EDC4: variants seen among roughly 807,000 people sequenced by gnomAD.
The protein encoded by EDC4 is enhancer of mRNA-decapping protein 4.
EDC4 carries 64 observed loss-of-function variants against 155.8 expected under a neutral mutation model. The ratio of observed to expected loss-of-function variants is 0.41; its 90% CI spans 0.34 to 0.51. EDC4 has a LOEUF of 0.51. Ranked by LOEUF, EDC4 falls within the 20% of genes least tolerant of loss-of-function variation. EDC4 has a pLI of 0.19. For missense variants in EDC4, 1,303 were observed against 1,812.5 expected (o/e 0.72, Z 5.10); for synonymous variants, 684 against 716.8 (o/e 0.95, Z 0.73).
intron 1 of EDC4, 145 bp downstream of exon 1, chr16:67,873,488 C>G: frequency 1.6e-6 from 1 of 607,594 alleles, no homozygotes; most frequent in Non-Finnish European, 2.6e-6. Flanking sequence ...GACTGTGCCC[C>G]TCGAAGGGCG....
chr16:67,883,878 C>G lies in EDC4; in HGVS notation c.4014-78C>G. 2 of 1,538,454 alleles carry G rather than the reference C, an allele frequency of 1.3e-6. No homozygotes were observed. Among genetic ancestry groups the G allele is most frequent in the East Asian group, 2.3e-5 (1 of 44,136 alleles). On this transcript the variant is annotated intron_variant, in intron 28 of 28. Coordinates refer to ENST00000358933, the MANE Select transcript of EDC4 (RefSeq NM_014329.5). This position sits in a 1 kb window ranked among gnomAD's most constrained non-coding sequence, Gnocchi z 5.3. ...TCTGCCTTCACCCAGAGGGTTCCCT[C>G]TGGGCCTCGGTGCCACCAGGGGGCG... is the stretch of plus-strand genomic sequence containing the variant.
In EDC4 at chr16:67,877,043, C is replaced by G. The variant is rs562986864; in HGVS notation, c.451+71C>G. Reference sequence around the variant, plus strand: ...CACAGAGCCAGTTCCAACATCAGGCCACTCAGGCCTTAGGGGTACAATGGA... The same window carrying G: ...CACAGAGCCAGTTCCAACATCAGGCGACTCAGGCCTTAGGGGTACAATGGA... On this transcript the variant is annotated intron_variant, in intron 4 of 28. Transcript: ENST00000358933. This position sits in a 1 kb window ranked among gnomAD's most constrained non-coding sequence, Gnocchi z 4.9. 88 of 1,593,666 alleles carry G rather than the reference C, an allele frequency of 5.5e-5. 2 individuals carry two copies. In the South Asian group the frequency reaches 9.1e-4, roughly 17 times the overall value.
Position 67,882,545 on chromosome 16 carries a change from G to A in EDC4, c.3393G>A (p.Gln1131=). The A allele has an allele frequency of 6.2e-7, 1 of 1,614,250 alleles. No individual in the cohort carries two copies. Among genetic ancestry groups the A allele is most frequent in the East Asian group, 2.2e-5 (1 of 44,884 alleles). Residue 1131 remains glutamine (Q), a synonymous_variant, in exon 25 of 29, where the codon CAG becomes CAA. Transcript: ENST00000358933. The surrounding 1 kb of genome is among the most constrained non-coding windows in gnomAD (Gnocchi z 7.2). ...VVLPAFEKSC[Q]AMFQQINDSF... is the part of the protein sequence containing the mutation. ...TGCCGGCCTTTGAGAAGAGCTGCCA[G>A]GCCATGTTCCAGCAAATCAATGATA...
rs765454661 is a variant in EDC4 at position 67,881,210 on chromosome 16, TGGG to T, written c.2636+34_2636+36del. 1.9e-6 allele frequency: 3 copies of T among 1,613,814 alleles called. No homozygotes were observed. Among genetic ancestry groups the T allele is most frequent in the Non-Finnish European group, 2.5e-6 (3 of 1,179,924 alleles). On this transcript the variant is annotated intron_variant, in intron 19 of 28. Coordinates refer to ENST00000358933, the MANE Select transcript of EDC4 (RefSeq NM_014329.5). The surrounding 1 kb of genome is among the most constrained non-coding windows in gnomAD (Gnocchi z 5.4). ...GAGCCACTCTACACCATTGCCCTCA[TGGG>T]GGGATGGGCAGCAAGTGGGCAGGGG...
Position 67,881,813 on chromosome 16 carries a change from A to G in EDC4, c.2972A>G (p.Glu991Gly). The change falls in exon 22 of 29, where the codon GAA becomes GGA. Residue 991 changes from glutamate (E) to glycine (G), a missense_variant. Glu to Gly is a moderately conservative substitution (Grantham distance 98). Around this residue, in one of 5 missense-constraint regions of EDC4, gnomAD observed 527 missense variants for 757.0 expected, o/e 0.70. Transcript: ENST00000358933. This position sits in a 1 kb window ranked among gnomAD's most constrained non-coding sequence, Gnocchi z 5.4. ...GLQSTVTGHV[E>G]RALETRHEQE... ...CAGAGCACAGTCACAGGCCACGTAGAACGTGCCCTTGAGACTCGGCACGAG... is the reference window on the plus strand; with the variant it reads ...CAGAGCACAGTCACAGGCCACGTAGGACGTGCCCTTGAGACTCGGCACGAG... 2 of 1,613,934 alleles carry G rather than the reference A, an allele frequency of 1.2e-6. No individual in the cohort carries two copies. Among genetic ancestry groups the G allele is most frequent in the Non-Finnish European group, 1.7e-6 (2 of 1,179,816 alleles).
chr16:67,879,649 C>T lies in EDC4; in HGVS notation c.1696C>T (p.Gln566Ter), dbSNP rs1460594901. Residue 566 changes from glutamine to a stop codon, truncating the protein, a stop_gained, in exon 15 of 29, where the codon CAG becomes TAG. Coordinates refer to ENST00000358933, the MANE Select transcript of EDC4 (RefSeq NM_014329.5). LOFTEE classifies it high-confidence loss of function. This position sits in a 1 kb window ranked among gnomAD's most constrained non-coding sequence, Gnocchi z 6.0. ...EGLGSAAHGS[Q>*]PDLRRIVELP... The stretch of plus-strand genomic sequence containing the variant: ...CCTGGGGTCAGCCGCTCACGGCTCC[C>T]AGCCTGACCTCCGACGAATCGTGGA... The T allele has an allele frequency of 6.2e-7, 1 of 1,614,080 alleles. No individual in the cohort carries two copies.
Position 67,883,911 on chromosome 16 carries a change from C to G in EDC4, c.4014-45C>G. On this transcript the variant is annotated intron_variant, in intron 28 of 28. Transcript: ENST00000358933. This position sits in a 1 kb window ranked among gnomAD's most constrained non-coding sequence, Gnocchi z 5.3. ...CGGTGCCACCAGGGGGCGCTCCCGT[C>G]TGCTGGCACCCACCTGTAGCCTGTC... 1 of 1,551,702 alleles carries G rather than the reference C, an allele frequency of 6.4e-7. No homozygotes were observed. Among genetic ancestry groups the G allele is most frequent in the Non-Finnish European group, 8.7e-7 (1 of 1,147,572 alleles).
Position 67,876,141 on chromosome 16 carries a change from T to C in EDC4, c.239+40T>C. ...GACGACAATAGTGGTGATGGTGTAT[T>C]TGGGGTGTCTGCTAGCTGAAGGCAT... is the stretch of plus-strand genomic sequence containing the variant. On this transcript the variant is annotated intron_variant, in intron 2 of 28. Transcript: ENST00000358933. The surrounding 1 kb of genome is among the most constrained non-coding windows in gnomAD (Gnocchi z 5.8). The C allele has an allele frequency of 6.3e-7, 1 of 1,595,944 alleles. No homozygotes were observed. Among genetic ancestry groups the C allele is most frequent in the Non-Finnish European group, 8.6e-7 (1 of 1,165,366 alleles).
At position 67,875,983 on chromosome 16, in the gene EDC4, A is replaced by G; in HGVS notation, c.121A>G (p.Asn41Asp). 6.2e-7 allele frequency: 1 copy of G among 1,614,062 alleles called. No individual in the cohort carries two copies. The highest frequency in any genetic ancestry group is 8.5e-7 in the Non-Finnish European group (1 of 1,180,008). Reference protein sequence around the residue: ...AESPRPSSAYNGDLNGLLVPD... With the variant: ...AESPRPSSAYDGDLNGLLVPD... ...GAGCCCACGGCCATCCAGTGCCTAC[A>G]ATGGGGACCTCAATGGACTTCTGGT... The change falls in exon 2 of 29, where the codon AAT (asparagine) becomes GAT (aspartate). Residue 41 changes from asparagine (N) to aspartate (D), a missense_variant. Asn to Asp is a conservative substitution (Grantham distance 23, BLOSUM62 1). This residue lies in a region of EDC4 where 99 missense variants were observed against 121.3 expected (regional missense o/e 0.82). Transcript: ENST00000358933.
Position 67,879,916 on chromosome 16 carries a change from C to T in EDC4, c.1888C>T (p.Leu630Phe), listed in dbSNP as rs904910007. The T allele has an allele frequency of 2.5e-6, 4 of 1,613,870 alleles. No individual in the cohort carries two copies. Among genetic ancestry groups the T allele is most frequent in the Non-Finnish European group, 3.4e-6 (4 of 1,179,944 alleles). ...SSSSSSSSSS[L>F]TAVSAMSSTS... ...CAGCAGCAGCAGTAGCAGCAGCTCC[C>T]TTACAGCTGTGTCTGCCATGAGCAG... Residue 630 changes from leucine to phenylalanine, a missense_variant, in exon 16 of 29, where the codon CTT becomes TTT. By Grantham distance (22) the Leu-to-Phe change is conservative. Transcript: ENST00000358933. This position sits in a 1 kb window ranked among gnomAD's most constrained non-coding sequence, Gnocchi z 6.0.
In EDC4 at chr16:67,883,183, A is replaced by C. The variant is rs2058077774; in HGVS notation, c.3849+6A>C. ...TCAATCAGGCCTTCCAGCAGGTACG[A>C]TAGGCATTAGGCCCTGCTAAGGGTC... On this transcript the variant is annotated splice_donor_region_variant and intron_variant, in intron 27 of 28. Transcript: ENST00000358933. The surrounding 1 kb of genome is among the most constrained non-coding windows in gnomAD (Gnocchi z 5.3). 6.4e-7 allele frequency: 1 copy of C among 1,564,450 alleles called. No homozygotes were observed. The highest frequency in any genetic ancestry group is 1.4e-5 in the African/African-American group (1 of 73,886).
chr16:67,876,056 G>A lies in EDC4; in HGVS notation c.194G>A (p.Gly65Asp), dbSNP rs750886912. Residue 65 changes from glycine (G) to aspartate (D), a missense_variant, in exon 2 of 29, where the codon GGT becomes GAT. This residue lies in a region of EDC4 where 99 missense variants were observed against 121.3 expected (regional missense o/e 0.82). Coordinates refer to ENST00000358933, the MANE Select transcript of EDC4 (RefSeq NM_014329.5). This position sits in a 1 kb window ranked among gnomAD's most constrained non-coding sequence, Gnocchi z 5.8. ...SGDSTSANKT[G>D]LRTMPPINLQ... ...GATAGTACCTCAGCAAACAAGACTG[G>A]TCTTCGGACCATGCCACCCATTAAC... The A allele has an allele frequency of 1.2e-6, 2 of 1,614,198 alleles. No individual in the cohort carries two copies. Among genetic ancestry groups the A allele is most frequent in the African/African-American group, 1.3e-5 (1 of 75,038 alleles).
Position 67,879,212 on chromosome 16 carries a change from T to C in EDC4, c.1469-25T>C. On this transcript the variant is annotated intron_variant, in intron 12 of 28. Coordinates refer to ENST00000358933, the MANE Select transcript of EDC4 (RefSeq NM_014329.5). This position sits in a 1 kb window ranked among gnomAD's most constrained non-coding sequence, Gnocchi z 6.0. ...TGGAGGCACAGAGAGGGCCAGGGGC[T>C]TCATCATCCACACTGTCCTTTCAGA... 6.2e-7 allele frequency: 1 copy of C among 1,614,136 alleles called. No homozygotes were observed.
chr16:67,878,688 A>G lies in EDC4; in HGVS notation c.1185-49A>G, dbSNP rs1567390022. 1.9e-6 allele frequency: 3 copies of G among 1,614,120 alleles called. No individual in the cohort carries two copies. Among genetic ancestry groups the G allele is most frequent in the African/African-American group, 1.3e-5 (1 of 75,028 alleles). ...GCAGGGGCGGCAGGGTTGGGAATGTAGCTTCCTTCAGTTCTCAGGCTCATT... is the reference window on the plus strand; with the variant it reads ...GCAGGGGCGGCAGGGTTGGGAATGTGGCTTCCTTCAGTTCTCAGGCTCATT... On this transcript the variant is annotated intron_variant, in intron 10 of 28. Transcript: ENST00000358933. This position sits in a 1 kb window ranked among gnomAD's most constrained non-coding sequence, Gnocchi z 5.2.
At position 67,875,874 on chromosome 16, in the gene EDC4, G is replaced by T. The variant is rs1002924613; in HGVS notation, c.83-71G>T. 1.1e-5 allele frequency: 17 copies of T among 1,557,000 alleles called. No individual in the cohort carries two copies. In the African/African-American group the frequency reaches 2.3e-4, roughly 21 times the overall value. On this transcript the variant is annotated intron_variant, in intron 1 of 28. Transcript: ENST00000358933. ...CTAGAGCACCTCATAGTTCTTGAAG[G>T]AAACTCTGAAAGGGGAGAGGCTTGT...
In EDC4 at chr16:67,883,105, T is replaced by C. The variant is rs773622881; in HGVS notation, c.3777T>C (p.Leu1259=). 6.2e-7 allele frequency: 1 copy of C among 1,611,240 alleles called. No homozygotes were observed. Among genetic ancestry groups the C allele is most frequent in the South Asian group, 1.1e-5 (1 of 90,810 alleles). The change falls in exon 27 of 29, where the codon CTT becomes CTC. Residue 1259 remains leucine (L), a synonymous_variant. Coordinates refer to ENST00000358933, the MANE Select transcript of EDC4 (RefSeq NM_014329.5). The surrounding 1 kb of genome is among the most constrained non-coding windows in gnomAD (Gnocchi z 5.3). ...GCACACCTGTCCCCTCTGCCCACCTTGACTGCCAGGCCCAGCAAGCCCATA... is the reference window on the plus strand; with the variant it reads ...GCACACCTGTCCCCTCTGCCCACCTCGACTGCCAGGCCCAGCAAGCCCATA... ...AAGTPVPSAH[L]DCQAQQAHIL... is the part of the protein sequence containing the mutation.
chr16:67,881,681 C>T lies in EDC4; in HGVS notation c.2840C>T (p.Pro947Leu). 2 of 1,613,468 alleles carry T rather than the reference C, an allele frequency of 1.2e-6. No homozygotes were observed. Among genetic ancestry groups the T allele is most frequent in the Middle Eastern group, 1.6e-4 (1 of 6,062 alleles). The change falls in exon 22 of 29, where the codon CCT becomes CTT. Residue 947 changes from proline (P) to leucine (L), a missense_variant. Pro to Leu is a moderately conservative substitution (Grantham distance 98, BLOSUM62 -3). This residue lies in a region of EDC4 where 527 missense variants were observed against 757.0 expected (regional missense o/e 0.70). Transcript: ENST00000358933. The surrounding 1 kb of genome is among the most constrained non-coding windows in gnomAD (Gnocchi z 5.4). ...TGCTACTGACAGGTGGCAGAGCCCC[C>T]TGAGGACTGGCCAGCACTAATTTGG... is the stretch of plus-strand genomic sequence containing the variant. ...RLTEHQVAEPPEDWPALIWQQ... is the reference protein window; with the variant it reads ...RLTEHQVAEPLEDWPALIWQQ...
In EDC4 at chr16:67,877,842, C is replaced by T. The variant is rs373070970; in HGVS notation, c.891C>T (p.Ser297=). The T allele has an allele frequency of 6.2e-7, 1 of 1,614,004 alleles. No homozygotes were observed. Among genetic ancestry groups the T allele is most frequent in the Non-Finnish European group, 8.5e-7 (1 of 1,180,020 alleles). Residue 297 remains serine (S), a synonymous_variant, in exon 7 of 29, where the codon AGC becomes AGT. Transcript: ENST00000358933. The surrounding 1 kb of genome is among the most constrained non-coding windows in gnomAD (Gnocchi z 4.9). ...GCTTCATTGTGGTAAAAGGTCATAG[C>T]ACGGTAAGCCTGTGACTGCCTGCCT... ...KQGFIVVKGH[S]TCLSEGALSP... is the part of the protein sequence containing the mutation.
At position 67,881,743 on chromosome 16, in the gene EDC4, C is replaced by T; in HGVS notation, c.2902C>T (p.Gln968Ter). 2 of 1,614,114 alleles carry T rather than the reference C, an allele frequency of 1.2e-6. No individual in the cohort carries two copies. The highest frequency in any genetic ancestry group is 1.7e-6 in the Non-Finnish European group (2 of 1,180,026). Residue 968 changes from glutamine (Q) to a stop codon, truncating the protein, a stop_gained, in exon 22 of 29, where the codon CAG (glutamine) becomes TAG (stop). Coordinates refer to ENST00000358933, the MANE Select transcript of EDC4 (RefSeq NM_014329.5). LOFTEE classifies it high-confidence loss of function. This position sits in a 1 kb window ranked among gnomAD's most constrained non-coding sequence, Gnocchi z 5.4. ...AGAGCTGGCAGAGCTGCGGCACAGCCAGGAAGAGCTGCTGCAGCGTCTGTG... is the reference window on the plus strand; with the variant it reads ...AGAGCTGGCAGAGCTGCGGCACAGCTAGGAAGAGCTGCTGCAGCGTCTGTG... ...QRELAELRHS[Q>*]EELLQRLCTQ...
Sources: allele counts gnomAD v4.1 joint callset, GRCh38; gene constraint gnomAD v4.1.1; regional missense constraint gnomAD v4.1.1; non-coding constraint Gnocchi (gnomAD v3.1); transcripts MANE v1.5; gene names NCBI Gene and HGNC (gene_info 2026-07-23, HGNC 2026-07-21).